The following ABCB1 variants were observed in gnomAD, a reference collection of about 807,000 sequenced individuals.
ABCB1 encodes the protein ATP-dependent translocase ABCB1.
In ABCB1, 69 loss-of-function variants were observed where a neutral mutation model predicts 142.0. That is an observed-to-expected ratio of 0.49 (90% CI 0.40 to 0.59). The LOEUF is 0.59. Among genes scored for constraint, ABCB1 ranks in the 20% least tolerant of loss-of-function variants. The probability of loss-of-function intolerance (pLI) is 0.00; values close to 1 mark genes in which losing one functional copy is unlikely to be tolerated. For missense variants in ABCB1, 1,326 were observed against 1,554.7 expected (o/e 0.85, Z 2.47); for synonymous variants, 532 against 539.2 (o/e 0.99, Z 0.18).
intron 20 of ABCB1, among the ~76,000 whole-genome samples, chr7:87,534,732 T>C (rs183986411): frequency 5.9e-5 from 9 of 151,810 alleles, no homozygotes; most frequent in Admixed American, 1.3e-4. Context: ...CTGGGCAACA[T>C]AGGGAGACCC....
At chr7:87,643,996 C>T (rs1265897818) in intron 1 of ABCB1, among the ~76,000 whole-genome samples, 1 of 152,292 alleles carries the variant, frequency 6.6e-6, no homozygotes. Context: ...GTAGCTGGGA[C>T]TACAAGTGTG....
At chr7:87,519,585 C>A in intron 22 of ABCB1, 119 bp from the exon 23 acceptor site, 1 of 1,198,866 alleles carries the variant, frequency 8.3e-7, no homozygotes. Flanking sequence ...GTTTCGTTTC[C>A]AAAGAACTAA....
At chr7:87,650,774 G>A (rs1406064902) in intron 1 of ABCB1, 2 of 1,130,730 alleles carry the variant, frequency 1.8e-6, no homozygotes, top group African/African-American at 3.1e-5. Context: ...TCATACTTAG[G>A]GAATGAATCA....
At chr7:87,650,401 C>T (rs577373483) in intron 1 of ABCB1, among the ~76,000 whole-genome samples, 3 of 152,002 alleles carry the variant, frequency 2.0e-5, no homozygotes, top group African/African-American at 7.2e-5. Context: ...GGTGAGAGCC[C>T]ATTCCTCATA....
chr7:87,507,127 A>T (rs1814786120), intron 26 of ABCB1, among the ~76,000 whole-genome samples: 1 of 152,240 alleles, frequency 6.6e-6, no homozygotes, highest in African/African-American at 2.4e-5. Context: ...ACTTAGGAGA[A>T]GTGGATCCTT....
At chr7:87,670,741 A>C (rs1825744038) in intron 1 of ABCB1, among the ~76,000 whole-genome samples, 1 of 152,098 alleles carries the variant, frequency 6.6e-6, no homozygotes. Flanking sequence ...TGGGTACATT[A>C]GTGAGGTATT....
intron 1 of ABCB1, among the ~76,000 whole-genome samples, chr7:87,695,425 G>A (rs1314807704): frequency 6.6e-6 from 1 of 152,080 alleles, no homozygotes; most frequent in Admixed American, 6.6e-5. Context: ...AGTTTAAAGT[G>A]AGAACTCCAC....
At chr7:87,590,557 T>C (rs987251245) in intron 3 of ABCB1, among the ~76,000 whole-genome samples, 17 of 152,174 alleles carry the variant, frequency 1.1e-4, no homozygotes, top group Admixed American at 5.9e-4. Context: ...AAGGATACAG[T>C]TCATCCTGTG....
intron 5 of ABCB1, among the ~76,000 whole-genome samples, chr7:87,569,634 G>A (rs1817951572): frequency 6.6e-6 from 1 of 152,044 alleles, no homozygotes; most frequent in Admixed American, 6.6e-5. Context: ...AAACATCCAG[G>A]AAACAAATTA....
At chr7:87,684,503 C>G (rs1290326325) in intron 1 of ABCB1, among the ~76,000 whole-genome samples, 2 of 152,026 alleles carry the variant, frequency 1.3e-5, no homozygotes, top group Non-Finnish European at 2.9e-5. Context: ...AGACCCAGCA[C>G]TTTGGGAGGC....
chr7:87,531,346 A>G lies in ABCB1; in HGVS notation c.2633T>C (p.Met878Thr). ...ATCTTTCAGTGCTTGTCCAGACAAC[A>G]TTTTCATTTCAACAACTCCTGCTAT... ...IAIAGVVEMK[M>T]LSGQALKDKK... Residue 878 changes from methionine to threonine, a missense_variant, in exon 21 of 28, where the codon ATG becomes ACG. Transcript: ENST00000622132. The G allele has an allele frequency of 6.2e-7, 1 of 1,613,444 alleles. No homozygotes were observed. Among genetic ancestry groups the G allele is most frequent in the South Asian group, 1.1e-5 (1 of 91,064 alleles).
intron 1 of ABCB1, among the ~76,000 whole-genome samples, chr7:87,652,624 A>ATATATG (rs1312743162): frequency 1.4e-5 from 2 of 142,836 alleles, no homozygotes; most frequent in South Asian, 4.3e-4. Context: ...GGTCACTGAT[A>ATATATG]TATATATATA....
intron 19 of ABCB1, among the ~76,000 whole-genome samples, chr7:87,537,696 T>C (rs539849295): frequency 7.9e-5 from 12 of 152,220 alleles, no homozygotes; most frequent in Non-Finnish European, 1.5e-4. Context: ...CTCAGGGCAG[T>C]ATAAGTGATT....
At chr7:87,549,062 G>A (rs975920851) in intron 14 of ABCB1, among the ~76,000 whole-genome samples, 6 of 152,136 alleles carry the variant, frequency 3.9e-5, no homozygotes, top group Non-Finnish European at 8.8e-5. Context: ...ACTTTCACAT[G>A]TGTCTATATT....
intron 1 of ABCB1, among the ~76,000 whole-genome samples, chr7:87,683,143 G>A (rs144490721): frequency 5.9e-5 from 9 of 152,188 alleles, no homozygotes; most frequent in South Asian, 2.1e-4. Flanking sequence ...CTTCTGCGGC[G>A]TCTTTGCCTC....
chr7:87,506,068 G>A, intron 26 of ABCB1, 25 bp from the exon 27 acceptor site: 5 of 1,610,844 alleles, frequency 3.1e-6, no homozygotes, highest in Non-Finnish European at 4.2e-6. Context: ...TTGTTGTTAT[G>A]AAAGTAGAAC....
At chr7:87,602,292 CTTTTTTTTTTTTT>C (rs59849542), upstream of ABCB1, among the ~76,000 whole-genome samples, 5 of 92,398 alleles carry the variant, frequency 5.4e-5, no homozygotes, top group Non-Finnish European at 1.1e-4. Flanking sequence ...AGCTCGGCCT[CTTTTTTTTTTTTT>C]TTTTTTTTTT....
intron 3 of ABCB1, among the ~76,000 whole-genome samples, chr7:87,594,584 C>T (rs1231719931): frequency 6.6e-6 from 1 of 152,158 alleles, no homozygotes; most frequent in African/African-American, 2.4e-5. Flanking sequence ...ACAACTTTAA[C>T]CTAAACGCTT....
intron 21 of ABCB1, among the ~76,000 whole-genome samples, chr7:87,524,159 A>G (rs1462916472): frequency 2.0e-5 from 3 of 152,018 alleles, no homozygotes; most frequent in Non-Finnish European, 4.4e-5. Context: ...AATCTATCAG[A>G]AGTAAAAAAA....
Sources: gnomAD v4.1 joint callset for allele counts (sites outside exome capture counted in the v4.1 genomes callset) on GRCh38, gnomAD v4.1.1 for gene constraint, MANE v1.5 for transcripts, NCBI Gene and HGNC (gene_info 2026-07-23, HGNC 2026-07-21) for gene names.